TMPRSS11F: variants seen among roughly 807,000 people sequenced by gnomAD.
TMPRSS11F encodes the protein transmembrane protease serine 11F.
Under a neutral mutation model 60.2 loss-of-function variants are expected in TMPRSS11F, and 47 were observed. The observed-to-expected ratio is 0.78, with a 90% CI of 0.62 to 1.00. The LOEUF is 1.00. TMPRSS11F is among the 50% of genes least tolerant of loss of function. The pLI, the probability that TMPRSS11F is intolerant of heterozygous loss-of-function variation, is 0.00. For missense variants in TMPRSS11F, 519 were observed against 522.9 expected (o/e 0.99, Z 0.07); for synonymous variants, 166 against 167.3 (o/e 0.99, Z 0.06).
intron 1 of TMPRSS11F, among the ~76,000 whole-genome samples, chr4:68,110,159 G>A (rs1039965776): frequency 2.0e-5 from 3 of 152,096 alleles, no homozygotes; most frequent in Non-Finnish European, 4.4e-5. Context: ...GAATACTTGT[G>A]GTTAATAACA....
At chr4:68,063,626 G>A (rs1051558528) in intron 8 of TMPRSS11F, among the ~76,000 whole-genome samples, 13 of 152,084 alleles carry the variant, frequency 8.5e-5, no homozygotes, top group African/African-American at 2.9e-4. Flanking sequence ...TGATCCGCCC[G>A]ACTCGGCCTC....
chr4:68,081,555 T>G (rs181605874), intron 3 of TMPRSS11F, among the ~76,000 whole-genome samples: 108 of 152,370 alleles, frequency 7.1e-4, no homozygotes, highest in African/African-American at 2.5e-3. Flanking sequence ...GGATATGTAC[T>G]TGATAAAGTA....
intron 1 of TMPRSS11F, among the ~76,000 whole-genome samples, chr4:68,114,430 T>C (rs1431374172): frequency 6.6e-6 from 1 of 152,058 alleles, no homozygotes; most frequent in Non-Finnish European, 1.5e-5. Context: ...ATAAATGCTA[T>C]GAATAACATT....
Position 68,072,457 on chromosome 4 carries a change from A to C in TMPRSS11F, c.380T>G (p.Ile127Arg). 6.3e-7 allele frequency: 1 copy of C among 1,583,490 alleles called. No homozygotes were observed. Among genetic ancestry groups the C allele is most frequent in the Non-Finnish European group, 8.6e-7 (1 of 1,162,622 alleles). Reference sequence around the variant, plus strand: ...AGATGGGTATCGAAATATGAGCACTATAAGAATATCCACACCTTGTTCATC... The same window carrying C: ...AGATGGGTATCGAAATATGAGCACTCTAAGAATATCCACACCTTGTTCATC... ...SPDEQGVDIL[I>R]VLIFRYPSTD... Residue 127 changes from isoleucine to arginine, a missense_variant, in exon 5 of 10, where the codon ATA becomes AGA. Transcript: ENST00000356291.
intron 1 of TMPRSS11F, among the ~76,000 whole-genome samples, chr4:68,126,934 G>A (rs1361569674): frequency 6.6e-6 from 1 of 152,148 alleles, no homozygotes; most frequent in African/African-American, 2.4e-5. Flanking sequence ...GTAGGCAGAC[G>A]AAACAACAAA....
intron 4 of TMPRSS11F, among the ~76,000 whole-genome samples, chr4:68,072,808 A>T (rs146330378): frequency 3.7e-4 from 57 of 152,248 alleles, no homozygotes; most frequent in African/African-American, 1.3e-3. Context: ...CTTTATACAT[A>T]CTTAAAAGGC....
chr4:68,097,971 G>A (rs1560405782), intron 2 of TMPRSS11F, among the ~76,000 whole-genome samples: 1 of 152,062 alleles, frequency 6.6e-6, no homozygotes, highest in Non-Finnish European at 1.5e-5. Flanking sequence ...TGACTGATAT[G>A]AGTGCCTAAA....
chr4:68,096,388 A>T (rs10032412), intron 2 of TMPRSS11F, among the ~76,000 whole-genome samples: 46,339 of 152,134 alleles, frequency 0.3, 7,177 homozygotes, highest in East Asian at 0.49. Flanking sequence ...TCTATCAAGC[A>T]TTTAATAGTC....
intron 3 of TMPRSS11F, among the ~76,000 whole-genome samples, chr4:68,086,960 C>G (rs184197333): frequency 6.6e-6 from 1 of 152,140 alleles, no homozygotes; most frequent in Non-Finnish European, 1.5e-5. Context: ...AAAATGGGTA[C>G]CAATCCTACT....
chr4:68,054,128 A>T lies in TMPRSS11F; in HGVS notation c.1159-61T>A. On this transcript the variant is annotated intron_variant, in intron 9 of 9. Transcript: ENST00000356291. ...CTTTAATTCAGTGGGAAGGTATTGT[A>T]ATCTGACGTTCACAGAGAAAAAAGG... is the stretch of plus-strand genomic sequence containing the variant. 3.3e-6 allele frequency: 5 copies of T among 1,496,792 alleles called. No individual in the cohort carries two copies. The South Asian group carries it at 6.1e-5, about 18-fold the overall frequency. The allele number at this position is 1,496,792 out of a possible 1,614,324, so 92.7% of individuals were successfully genotyped here.
At chr4:68,066,657 C>T (rs539951508) in intron 7 of TMPRSS11F, among the ~76,000 whole-genome samples, 4 of 152,152 alleles carry the variant, frequency 2.6e-5, no homozygotes, top group East Asian at 3.9e-4. Flanking sequence ...AAACTTAGGC[C>T]GGGCGCGGTG....
intron 3 of TMPRSS11F, chr4:68,077,168 C>T (rs1723602265): frequency 6.6e-6 from 1 of 152,272 alleles, no homozygotes; most frequent in African/African-American, 2.4e-5. Context: ...TCAATATATA[C>T]CATGAGCATA....
rs869035642 is a variant in TMPRSS11F at position 68,057,282 on chromosome 4, CAA to C, written c.1158+2042_1158+2043del. On this transcript the variant is annotated intron_variant, in intron 9 of 9. Coordinates refer to ENST00000356291, the MANE Select transcript of TMPRSS11F (RefSeq NM_207407.2). ...CCTGAGTGACAAAGCGAGACTGTCT[CAA>C]AAAAAAAAAAAAAAAAAGGAGAAGA... Among the ~76,000 whole-genome samples the C allele has an allele frequency of 7.5e-4, 43 of 56,956 alleles. 1 individual carries two copies. The highest frequency in any genetic ancestry group is 1.7e-3 in the African/African-American group (30 of 17,606). 37.4% of individuals were successfully genotyped at this position (56,956 alleles called of 152,430 possible).
At chr4:68,065,174 G>T (rs1373866951) in intron 7 of TMPRSS11F, among the ~76,000 whole-genome samples, 1 of 152,028 alleles carries the variant, frequency 6.6e-6, no homozygotes, top group African/African-American at 2.4e-5. Context: ...GTTCTTGCTT[G>T]CTGGGAACTC....
chr4:68,072,226 A>ATATATATATATATATATAT (rs61224244), intron 5 of TMPRSS11F, 97 bp downstream of exon 5: 4,489 of 78,460 alleles, frequency 0.057, 1,171 homozygotes, highest in East Asian at 0.085. Flanking sequence ...TCTTCCAAAA[A>ATATATATATATATATATAT]AAAAATATAT....
chr4:68,057,613 A>T (rs1723073067), intron 9 of TMPRSS11F, among the ~76,000 whole-genome samples: 1 of 152,192 alleles, frequency 6.6e-6, no homozygotes, highest in Non-Finnish European at 1.5e-5. Context: ...CATATATTTG[A>T]TAAGGGCTTA....
chr4:68,103,783 A>G (rs1340615586), intron 1 of TMPRSS11F, among the ~76,000 whole-genome samples: 1 of 152,176 alleles, frequency 6.6e-6, no homozygotes, highest in Non-Finnish European at 1.5e-5. Flanking sequence ...ATTCTGATTC[A>G]GAACATAGGA....
At chr4:68,054,181 T>C (rs1165814368) in intron 9 of TMPRSS11F, 114 bp from the exon 10 acceptor site, 22 of 858,900 alleles carry the variant, frequency 2.6e-5, no homozygotes, top group Non-Finnish European at 3.7e-5. Flanking sequence ...ACAGCCAGAC[T>C]ACAGACTATA....
intron 8 of TMPRSS11F, chr4:68,062,388 T>C: frequency 1.9e-6 from 1 of 534,150 alleles, no homozygotes; most frequent in East Asian, 4.6e-5. Flanking sequence ...TTTATCTCAG[T>C]ATTAGATGTT....
Sources: gnomAD v4.1 joint callset for allele counts (sites outside exome capture counted in the v4.1 genomes callset) on GRCh38, gnomAD v4.1.1 for gene constraint, MANE v1.5 for transcripts, NCBI Gene and HGNC (gene_info 2026-07-23, HGNC 2026-07-21) for gene names.